Variants in LINGO2 observed in about 807,000 individuals in gnomAD.
The protein encoded by LINGO2 is leucine-rich repeat and immunoglobulin-like domain-containing nogo receptor-interacting protein 2.
Under a neutral mutation model 30.6 loss-of-function variants are expected in LINGO2, and 14 were observed. The observed-to-expected ratio is 0.46, with a 90% confidence interval of 0.30 to 0.72. The LOEUF (loss-of-function observed/expected upper bound fraction) is 0.72, where lower values mean the gene tolerates loss of function less well. LINGO2 is among the 30% of genes least tolerant of loss of function. The probability of loss-of-function intolerance (pLI) is 0.07; values close to 1 mark genes in which losing one functional copy is unlikely to be tolerated. For missense variants in LINGO2, 729 were observed against 751.7 expected, an observed-to-expected ratio of 0.97 and a Z score of 0.35; for synonymous variants, 317 against 288.5, an observed-to-expected ratio of 1.10 and a Z score of -1.00.
the LINGO2 span, among the ~76,000 whole-genome samples, chr9:28,679,580 AC>A: frequency 1.8e-3 from 275 of 152,246 alleles, 3 homozygotes; most frequent in Non-Finnish European, 3.1e-3. Flanking sequence ...TTTAATGTAT[AC>A]AACTTCATGA....
intron 3 of LINGO2, among the ~76,000 whole-genome samples, chr9:28,313,612 G>T (rs187336025): frequency 6.6e-6 from 1 of 152,142 alleles, no homozygotes; most frequent in African/African-American, 2.4e-5. Flanking sequence ...AGATTGTTAG[G>T]CAGAGAGGCT....
At chr9:29,167,385 T>C in the LINGO2 span, among the ~76,000 whole-genome samples, 1 of 152,142 alleles carries the variant, frequency 6.6e-6, no homozygotes, top group East Asian at 1.9e-4. Flanking sequence ...AAACTGGCTG[T>C]CACCAGAAGC....
the LINGO2 span, among the ~76,000 whole-genome samples, chr9:29,137,284 G>T: frequency 6.6e-6 from 1 of 152,092 alleles, no homozygotes; most frequent in African/African-American, 2.4e-5. Context: ...TGCAGGATAG[G>T]TTAACTAAGC....
intron 4 of LINGO2, among the ~76,000 whole-genome samples, chr9:28,248,757 GA>G (rs970894565): frequency 9.9e-5 from 15 of 152,184 alleles, no homozygotes; most frequent in African/African-American, 3.6e-4. Context: ...TATGTATCCA[GA>G]AAAAATAAAA....
At chr9:28,811,977 C>CT in the LINGO2 span, among the ~76,000 whole-genome samples, 14 of 152,052 alleles carry the variant, frequency 9.2e-5, 1 homozygote, top group South Asian at 2.9e-3. Flanking sequence ...TAAGTAAACT[C>CT]TATTTTCTGT....
chr9:29,169,712 A>G, the LINGO2 span, among the ~76,000 whole-genome samples: 4 of 152,148 alleles, frequency 2.6e-5, no homozygotes, highest in African/African-American at 9.7e-5. Context: ...CTCTATAGAA[A>G]ACAGTATGGG....
At chr9:28,676,772 GA>G in the LINGO2 span, among the ~76,000 whole-genome samples, 1 of 151,982 alleles carries the variant, frequency 6.6e-6, no homozygotes, top group South Asian at 2.1e-4. Flanking sequence ...TTAATCTTTT[GA>G]AAACCCAAGA....
chr9:28,117,827 A>T (rs1184151909), intron 4 of LINGO2, among the ~76,000 whole-genome samples: 1 of 151,824 alleles, frequency 6.6e-6, no homozygotes, highest in East Asian at 1.9e-4. Flanking sequence ...CCCTAGTGAG[A>T]TGAACCCGGT....
the LINGO2 span, among the ~76,000 whole-genome samples, chr9:28,966,166 T>C: frequency 6.6e-6 from 1 of 152,104 alleles, no homozygotes; most frequent in Non-Finnish European, 1.5e-5. Flanking sequence ...CAAACTGTGC[T>C]GAATGTCCTC....
At chr9:28,687,135 A>C in the LINGO2 span, among the ~76,000 whole-genome samples, 4 of 152,122 alleles carry the variant, frequency 2.6e-5, no homozygotes, top group Non-Finnish European at 5.9e-5. Flanking sequence ...GAAGTCAGTA[A>C]ATTACACAGA....
chr9:28,076,049 T>C (rs979787440), intron 4 of LINGO2, among the ~76,000 whole-genome samples: 1 of 152,108 alleles, frequency 6.6e-6, no homozygotes, highest in Non-Finnish European at 1.5e-5. Flanking sequence ...TGCAATATTA[T>C]GCCTGTCATA....
chr9:28,273,010 C>A (rs1822994791), intron 4 of LINGO2, among the ~76,000 whole-genome samples: 2 of 152,164 alleles, frequency 1.3e-5, no homozygotes, highest in South Asian at 4.1e-4. Flanking sequence ...AAATTATTAC[C>A]TTTTGACCTT....
chr9:28,918,076 C>A, the LINGO2 span, among the ~76,000 whole-genome samples: 1 of 151,318 alleles, frequency 6.6e-6, no homozygotes, highest in Non-Finnish European at 1.5e-5. Context: ...TGTATTAGTC[C>A]ATTTTCATGC....
the LINGO2 span, among the ~76,000 whole-genome samples, chr9:28,891,766 T>C: frequency 7.0e-6 from 1 of 143,200 alleles, no homozygotes; most frequent in Non-Finnish European, 1.6e-5. Context: ...ATTTAGAGAA[T>C]ACTCATGCAA....
chr9:28,939,638 T>G, the LINGO2 span, among the ~76,000 whole-genome samples: 1 of 152,164 alleles, frequency 6.6e-6, no homozygotes, highest in African/African-American at 2.4e-5. Flanking sequence ...CTATAATTAC[T>G]TATTGGTTTA....
chr9:28,891,086 T>A, the LINGO2 span, among the ~76,000 whole-genome samples: 1 of 152,020 alleles, frequency 6.6e-6, no homozygotes, highest in Admixed American at 6.6e-5. Flanking sequence ...ATATCACAGA[T>A]GCAGATATAC....
At chr9:28,051,494 A>G (rs574623157) in intron 4 of LINGO2, among the ~76,000 whole-genome samples, 2 of 151,758 alleles carry the variant, frequency 1.3e-5, no homozygotes, top group African/African-American at 4.8e-5. Context: ...GCATATATTT[A>G]TCCAAAAAAT....
In LINGO2 at chr9:28,041,150, AGAC is replaced by A. The variant is rs1225060953; in HGVS notation, c.-86-28748_-86-28746del. Among the ~76,000 whole-genome samples the A allele has an allele frequency of 4.4e-3, 677 of 152,342 alleles. 7 individuals are homozygous for A. The highest frequency in any genetic ancestry group is 0.016 in the African/African-American group (645 of 41,578). ...AAAATGTTCCCTCAAAAGAGATCCA[AGAC>A]CATCTTTGTGTCTGAATCTAGCATC... On this transcript the variant is annotated intron_variant, in intron 4 of 5. Coordinates refer to ENST00000379992, the Ensembl canonical transcript of LINGO2.
intron 1 of LINGO2, among the ~76,000 whole-genome samples, chr9:28,502,768 T>A (rs769106138): frequency 3.9e-5 from 6 of 152,130 alleles, no homozygotes; most frequent in Non-Finnish European, 7.4e-5. Context: ...AACAGGCCAC[T>A]AAATATAGCA....
Sources: allele counts gnomAD v4.1 joint callset (sites outside exome capture counted in the v4.1 genomes callset), GRCh38; gene constraint gnomAD v4.1.1; transcripts MANE v1.5; gene names NCBI Gene and HGNC (gene_info 2026-07-23, HGNC 2026-07-21).